AK9: variants seen among roughly 807,000 people sequenced by gnomAD.
The protein encoded by AK9 is adenylate kinase domain containing 1.
Under a neutral mutation model 239.6 loss-of-function variants are expected in AK9, and 191 were observed. The observed-to-expected ratio is 0.80, with a 90% CI of 0.71 to 0.90. The LOEUF (loss-of-function observed/expected upper bound fraction) is 0.90, where lower values mean the gene tolerates loss of function less well. Among genes scored for constraint, AK9 ranks in the 40% least tolerant of loss-of-function variants. The pLI, the probability that AK9 is intolerant of heterozygous loss-of-function variation, is 0.00. For synonymous variants in AK9, 689 were observed against 721.0 expected, an observed-to-expected ratio of 0.96 and a Z score of 0.71; for missense variants, 1,995 against 2,214.7, an observed-to-expected ratio of 0.90 and a Z score of 1.99.
chr6:109,647,613 A>G (rs1401596726), intron 8 of AK9, among the ~76,000 whole-genome samples: 3 of 152,068 alleles, frequency 2.0e-5, no homozygotes, highest in East Asian at 1.9e-4. Context: ...CTTACAAAGA[A>G]ACTTAGACTC....
chr6:109,600,665 C>G (rs183872087), intron 17 of AK9, among the ~76,000 whole-genome samples: 429 of 152,288 alleles, frequency 2.8e-3, no homozygotes, highest in African/African-American at 9.9e-3. Context: ...ACCAGCTCCT[C>G]CTTGTACCTC....
chr6:109,681,674 A>G (rs1039031462), intron 1 of AK9, among the ~76,000 whole-genome samples: 17 of 152,234 alleles, frequency 1.1e-4, no homozygotes, highest in African/African-American at 2.9e-4. Context: ...CACTTATTCT[A>G]AAATTGACCA....
chr6:109,512,821 G>T (rs574947655), intron 32 of AK9, among the ~76,000 whole-genome samples: 1 of 152,292 alleles, frequency 6.6e-6, no homozygotes, highest in Non-Finnish European at 1.5e-5. Flanking sequence ...CAGGAATATA[G>T]TTTATCAAAT....
chr6:109,678,315 C>T (rs1174345348), intron 1 of AK9, among the ~76,000 whole-genome samples: 2 of 152,218 alleles, frequency 1.3e-5, no homozygotes, highest in East Asian at 3.9e-4. Flanking sequence ...AAAAGTCAAT[C>T]CCACAGTTTA....
At position 109,552,233 on chromosome 6, in the gene AK9, T is replaced by C. The variant is rs1784459639; in HGVS notation, c.2752-1931A>G. ...CACAATAAACATAGTGCTAATGGGA[T>C]TGCTGAGTCAACTGGTATTTTGGTT... On this transcript the variant is annotated intron_variant, in intron 24 of 40. Transcript: ENST00000424296. 3.3e-5 allele frequency among the ~76,000 whole-genome samples: 5 copies of C among 152,264 alleles called. No homozygotes were observed. In the South Asian group the frequency reaches 1.0e-3, roughly 32 times the overall value.
At chr6:109,551,265 C>A (rs958871797) in intron 24 of AK9, among the ~76,000 whole-genome samples, 1 of 152,064 alleles carries the variant, frequency 6.6e-6, no homozygotes, top group Admixed American at 6.6e-5. Flanking sequence ...TGCCTGTAAT[C>A]CCAGCACTTT....
chr6:109,656,357 A>G (rs1002831451), intron 8 of AK9, among the ~76,000 whole-genome samples: 1 of 152,200 alleles, frequency 6.6e-6, no homozygotes, highest in African/African-American at 2.4e-5. Context: ...TTAGATTGCA[A>G]TTTAACTAAA....
At chr6:109,571,810 A>G (rs532125879) in intron 21 of AK9, among the ~76,000 whole-genome samples, 7 of 152,282 alleles carry the variant, frequency 4.6e-5, no homozygotes, top group African/African-American at 1.7e-4. Context: ...TCAGGATCAG[A>G]TTTTTCTCAG....
intron 1 of AK9, among the ~76,000 whole-genome samples, chr6:109,680,348 C>A (rs560736308): frequency 5.9e-5 from 9 of 152,024 alleles, no homozygotes; most frequent in African/African-American, 2.2e-4. Flanking sequence ...TGGAAGAAAG[C>A]ATATCAGTGA....
chr6:109,493,872 T>C lies in AK9; in HGVS notation c.5533+109A>G, dbSNP rs147633901. ...TATTGTATTTGCTACTAACACTCTC[T>C]CTTTCTCTCTCACCAAGCAGGCAAC... On this transcript the variant is annotated intron_variant, in intron 40 of 40. Transcript: ENST00000424296. 1.7e-4 allele frequency: 138 copies of C among 816,194 alleles called. No homozygotes were observed. In the African/African-American group the frequency reaches 2.2e-3, roughly 13 times the overall value. 50.6% of individuals were successfully genotyped at this position (816,194 alleles called of 1,614,324 possible).
chr6:109,550,443 T>TTTAA, intron 24 of AK9, 141 bp from the exon 25 acceptor site: 1 of 629,608 alleles, frequency 1.6e-6, no homozygotes, highest in Non-Finnish European at 2.5e-6. Flanking sequence ...CTTATATTAT[T>TTTAA]TTAATTAATT....
chr6:109,573,657 T>G, intron 20 of AK9, 63 bp from the exon 21 acceptor site: 3 of 1,446,506 alleles, frequency 2.1e-6, no homozygotes, highest in Non-Finnish European at 1.9e-6. Flanking sequence ...TATTGGGTGT[T>G]GATAAGTGCT....
chr6:109,691,122 G>C (rs906520342), intron 1 of AK9, 25 bp downstream of exon 1: 1 of 507,392 alleles, frequency 2.0e-6, no homozygotes, highest in African/African-American at 1.9e-5. Flanking sequence ...CTTTTTCTCC[G>C]CCCATGTTTT....
chr6:109,611,872 A>G (rs1793626110), intron 16 of AK9, 138 bp downstream of exon 16: 1 of 624,170 alleles, frequency 1.6e-6, no homozygotes, highest in East Asian at 3.0e-5. Flanking sequence ...TAGCCATTAA[A>G]ATAGAGTACT....
rs562492714 is a variant in AK9 at position 109,538,702 on chromosome 6, A to G, written c.3350+3345T>C. 6.8e-3 allele frequency among the ~76,000 whole-genome samples: 1,026 copies of G among 151,344 alleles called. 17 individuals carry two copies. The highest frequency in any genetic ancestry group is 0.024 in the African/African-American group (969 of 40,730). On this transcript the variant is annotated intron_variant, in intron 27 of 40. Transcript: ENST00000424296. ...GTTGATGCAGTTTCTTCCTAGCATCAATGATCTTTACAATTTGGCATGTTT... is the reference window on the plus strand; with the variant it reads ...GTTGATGCAGTTTCTTCCTAGCATCGATGATCTTTACAATTTGGCATGTTT...
chr6:109,606,770 A>T (rs1792937056), intron 17 of AK9, among the ~76,000 whole-genome samples: 1 of 152,196 alleles, frequency 6.6e-6, no homozygotes, highest in African/African-American at 2.4e-5. Flanking sequence ...GGTGCTCCGT[A>T]GCCGGTCAAG....
chr6:109,689,670 C>T (rs1774037245), intron 1 of AK9, among the ~76,000 whole-genome samples: 1 of 152,184 alleles, frequency 6.6e-6, no homozygotes, highest in Non-Finnish European at 1.5e-5. Context: ...CTCCCTGCTG[C>T]TGTTTCCTGG....
In AK9 at chr6:109,499,138, T is replaced by G. The variant is rs1777353897; in HGVS notation, c.4952A>C (p.Gln1651Pro). 1 of 1,610,592 alleles carries G rather than the reference T, an allele frequency of 6.2e-7. No homozygotes were observed. The highest frequency in any genetic ancestry group is 1.3e-5 in the African/African-American group (1 of 74,790). The change falls in exon 36 of 41, where the codon CAG becomes CCG. Residue 1651 changes from glutamine to proline, a missense_variant. Physicochemically the swap from Gln to Pro is moderately conservative, Grantham distance 76 (BLOSUM62 -1). Transcript: ENST00000424296. Reference protein sequence around the residue: ...QFCPVSLAESQELFDCSATDS... With the variant: ...QFCPVSLAESPELFDCSATDS... ...AGTTGCAGAGCAATCAAATAATTCCTGGGATTCTGCCAGGCTGACAGGGCA... is the reference window on the plus strand; with the variant it reads ...AGTTGCAGAGCAATCAAATAATTCCGGGGATTCTGCCAGGCTGACAGGGCA...
chr6:109,608,766 T>C (rs1793226195), intron 17 of AK9, among the ~76,000 whole-genome samples: 1 of 152,082 alleles, frequency 6.6e-6, no homozygotes, highest in Non-Finnish European at 1.5e-5. Context: ...CAAGACAAGA[T>C]ATTTGTAAAG....
Sources: gnomAD v4.1 joint callset for allele counts (sites outside exome capture counted in the v4.1 genomes callset) on GRCh38, gnomAD v4.1.1 for gene constraint, MANE v1.5 for transcripts, NCBI Gene and HGNC (gene_info 2026-07-23, HGNC 2026-07-21) for gene names.